The following CDH6 variants were observed in gnomAD, a reference collection of about 807,000 sequenced individuals.
CDH6 encodes cadherin-6.
A neutral mutation model predicts 78.0 loss-of-function variants in CDH6; 31 were observed. The ratio of observed to expected loss-of-function variants is 0.40; its 90% CI spans 0.30 to 0.54. The LOEUF is 0.54. Among genes scored for constraint, CDH6 ranks in the 20% least tolerant of loss-of-function variants. The probability of loss-of-function intolerance (pLI) is 0.56; values close to 1 mark genes in which losing one functional copy is unlikely to be tolerated. For synonymous variants in CDH6, 376 were observed against 368.8 expected, an observed-to-expected ratio of 1.02 and a Z score of -0.23; for missense variants, 724 against 975.9, an observed-to-expected ratio of 0.74 and a Z score of 3.44.
intron 2 of CDH6, among the ~76,000 whole-genome samples, chr5:31,274,066 T>A (rs1742615357): frequency 6.6e-6 from 1 of 152,260 alleles, no homozygotes; most frequent in East Asian, 1.9e-4. Context: ...GCCATTTAAC[T>A]AACATTTTTA....
At chr5:31,247,359 A>G (rs1397313487) in intron 1 of CDH6, among the ~76,000 whole-genome samples, 1 of 152,250 alleles carries the variant, frequency 6.6e-6, no homozygotes, top group Non-Finnish European at 1.5e-5. Flanking sequence ...TAACATGTCC[A>G]AAGACTCATA....
Position 31,316,315 on chromosome 5 carries a change from G to T in CDH6, c.1498G>T (p.Ala500Ser), listed in dbSNP as rs1738323141. 2.5e-6 allele frequency: 4 copies of T among 1,611,908 alleles called. No individual in the cohort carries two copies. The highest frequency in any genetic ancestry group is 3.4e-6 in the Non-Finnish European group (4 of 1,179,312). The part of the protein sequence containing the change: ...EFYETFVCEK[A>S]KADQLIQTLH... ...CTATGAAACTTTTGTCTGTGAAAAAGCAAAGGCAGATCAGGTGAGTTTCAT... is the reference window on the plus strand; with the variant it reads ...CTATGAAACTTTTGTCTGTGAAAAATCAAAGGCAGATCAGGTGAGTTTCAT... Residue 500 changes from alanine (A) to serine (S), a missense_variant, in exon 9 of 12, where the codon GCA becomes TCA. This residue lies in a region of CDH6 where 446 missense variants were observed against 684.5 expected (regional missense o/e 0.65). Coordinates refer to ENST00000265071, the MANE Select transcript of CDH6 (RefSeq NM_004932.4).
At chr5:31,297,501 A>C in intron 4 of CDH6, 93 bp downstream of exon 4, 1 of 953,574 alleles carries the variant, frequency 1.0e-6, no homozygotes, top group South Asian at 1.8e-5. Flanking sequence ...AATCAATGTG[A>C]TTGGATTTTC....
chr5:31,273,945 C>T lies in CDH6; in HGVS notation c.228+6244C>T, dbSNP rs568914138. The stretch of plus-strand genomic sequence containing the variant: ...GCGTCTTTTTCTTTCCCTTGATAAC[C>T]CTCTCTAAACTTCCGTTCTGGTTCA... On this transcript the variant is annotated intron_variant, in intron 2 of 11. Coordinates refer to ENST00000265071, the MANE Select transcript of CDH6 (RefSeq NM_004932.4). Among the ~76,000 whole-genome samples the T allele has an allele frequency of 5.9e-5, 9 of 152,060 alleles. No homozygotes were observed. In the South Asian group the frequency reaches 6.2e-4, roughly 11 times the overall value.
In CDH6 at chr5:31,328,963, A is replaced by G. The variant is rs1688476387; in HGVS notation, c.*5655A>G. ...GTGGCCGGGCCTTTTGTTGCAGTCA[A>G]ATGGCAAATACGCACTCCTTGAAAT... On this transcript the variant is annotated 3_prime_UTR_variant, in exon 12 of 12. Transcript: ENST00000265071. The G allele has an allele frequency of 4.5e-6, 1 of 221,420 alleles. No individual in the cohort carries two copies. The highest frequency in any genetic ancestry group is 2.2e-5 in the African/African-American group (1 of 44,766). 13.7% of individuals were successfully genotyped at this position (221,420 alleles called of 1,614,324 possible). A position where few individuals can be genotyped will look rare whatever the true frequency, so the allele number is the denominator to read the frequency against.
At chr5:31,319,624 T>C (rs1385664740) in intron 11 of CDH6, among the ~76,000 whole-genome samples, 1 of 152,176 alleles carries the variant, frequency 6.6e-6, no homozygotes, top group East Asian at 1.9e-4. Context: ...TCTACTTTCT[T>C]TTCAAACTTA....
chr5:31,196,321 T>C (rs948581763), intron 1 of CDH6, among the ~76,000 whole-genome samples: 2 of 151,806 alleles, frequency 1.3e-5, no homozygotes, highest in Non-Finnish European at 2.9e-5. Flanking sequence ...TGTATTATTA[T>C]AGCACCAAAT....
chr5:31,238,127 GC>G (rs1475937703), intron 1 of CDH6, among the ~76,000 whole-genome samples: 1 of 152,080 alleles, frequency 6.6e-6, no homozygotes, highest in Non-Finnish European at 1.5e-5. Context: ...TGCAATTTTT[GC>G]TTTTTACACA....
rs560000845 is a variant in CDH6 at position 31,289,514 on chromosome 5, A to G, written c.229-4448A>G. On this transcript the variant is annotated intron_variant, in intron 2 of 11. Coordinates refer to ENST00000265071, the MANE Select transcript of CDH6 (RefSeq NM_004932.4). Reference sequence around the variant, plus strand: ...ATGATCTACTGAATTGCTGGGTCAAATGGTAATTCTACTTTTAGTTCTCTG... The same window carrying G: ...ATGATCTACTGAATTGCTGGGTCAAGTGGTAATTCTACTTTTAGTTCTCTG... 1.1e-4 allele frequency among the ~76,000 whole-genome samples: 17 copies of G among 152,288 alleles called. No homozygotes were observed. In the South Asian group the frequency reaches 3.5e-3, roughly 32 times the overall value.
In CDH6 at chr5:31,326,257, CTGA is replaced by C. The variant is rs1738622972; in HGVS notation, c.*2954_*2956del. ...TTGTTTCAAGGACATTGAGAGCTTT[CTGA>C]TGATATGTTTTTGCCCTCTATTCAA... On this transcript the variant is annotated 3_prime_UTR_variant, in exon 12 of 12. Coordinates refer to ENST00000265071, the MANE Select transcript of CDH6 (RefSeq NM_004932.4). 9.0e-6 allele frequency: 2 copies of C among 221,030 alleles called. No individual in the cohort carries two copies. 13.7% of individuals were successfully genotyped at this position (221,030 alleles called of 1,614,324 possible).
At chr5:31,246,117 G>A (rs917692213) in intron 1 of CDH6, among the ~76,000 whole-genome samples, 1 of 151,382 alleles carries the variant, frequency 6.6e-6, no homozygotes, top group African/African-American at 2.4e-5. Flanking sequence ...TCACTATGTT[G>A]GCCAGGATTG....
At chr5:31,219,408 A>T (rs1201584471) in intron 1 of CDH6, among the ~76,000 whole-genome samples, 1 of 152,128 alleles carries the variant, frequency 6.6e-6, no homozygotes, top group Non-Finnish European at 1.5e-5. Flanking sequence ...CCCTGGCTAT[A>T]ATACATCAAA....
At position 31,323,413 on chromosome 5, in the gene CDH6, C is replaced by A; in HGVS notation, c.*105C>A. The A allele has an allele frequency of 7.5e-7, 1 of 1,327,670 alleles. No individual in the cohort carries two copies. Among genetic ancestry groups the A allele is most frequent in the South Asian group, 1.4e-5 (1 of 69,060 alleles). 82.2% of individuals were successfully genotyped at this position (1,327,670 alleles called of 1,614,324 possible). A position where few individuals can be genotyped will look rare whatever the true frequency, so the allele number is the denominator to read the frequency against. On this transcript the variant is annotated 3_prime_UTR_variant, in exon 12 of 12. Transcript: ENST00000265071. ...GAAGGCTTCTCTGTTCTACCCGTTC[C>A]AAAAGCCAATGGCTGCAGTCCGTGT...
Position 31,258,160 on chromosome 5 carries a change from T to C in CDH6, c.-128-9186T>C, listed in dbSNP as rs540448521. ...AGGTATATACCCAAATGATTATAAATTATTCTACTATAAAGACACATGCAC... is the reference window on the plus strand; with the variant it reads ...AGGTATATACCCAAATGATTATAAACTATTCTACTATAAAGACACATGCAC... On this transcript the variant is annotated intron_variant, in intron 1 of 11. Coordinates refer to ENST00000265071, the MANE Select transcript of CDH6 (RefSeq NM_004932.4). 2.0e-5 allele frequency among the ~76,000 whole-genome samples: 3 copies of C among 152,304 alleles called. 1 individual carries two copies. The South Asian group carries it at 6.2e-4, about 32-fold the overall frequency.
chr5:31,210,144 T>G (rs1217967663), intron 1 of CDH6, among the ~76,000 whole-genome samples: 4 of 151,144 alleles, frequency 2.6e-5, no homozygotes, highest in Admixed American at 6.6e-5. Context: ...AAACTGAGAT[T>G]CTGTTTGGAA....
At chr5:31,242,868 A>AG (rs1741644980) in intron 1 of CDH6, among the ~76,000 whole-genome samples, 1 of 151,994 alleles carries the variant, frequency 6.6e-6, no homozygotes. Context: ...CTAAAAAAAA[A>AG]AAAAAGGTAA....
intron 1 of CDH6, among the ~76,000 whole-genome samples, chr5:31,206,044 G>A (rs1184410899): frequency 3.9e-5 from 6 of 152,212 alleles, no homozygotes; most frequent in Admixed American, 3.9e-4. Flanking sequence ...TTCAATCGTG[G>A]CACCCTTGAG....
Position 31,327,918 on chromosome 5 carries a change from G to A in CDH6, c.*4610G>A, listed in dbSNP as rs1055841196. The A allele has an allele frequency of 8.4e-5, 18 of 215,332 alleles. No individual in the cohort carries two copies. The highest frequency in any genetic ancestry group is 1.6e-4 in the Non-Finnish European group (17 of 106,784). 13.3% of individuals were successfully genotyped at this position (215,332 alleles called of 1,614,324 possible). The stretch of plus-strand genomic sequence containing the variant: ...GCCGGAAGTTTATGGTCTCTGCATC[G>A]TCAATTTAATTTAAGCATTGCTGAG... On this transcript the variant is annotated 3_prime_UTR_variant, in exon 12 of 12. Coordinates refer to ENST00000265071, the MANE Select transcript of CDH6 (RefSeq NM_004932.4).
Position 31,224,045 on chromosome 5 carries a change from C to T in CDH6, c.-129+30159C>T, listed in dbSNP as rs549354675. On this transcript the variant is annotated intron_variant, in intron 1 of 11. Coordinates refer to ENST00000265071, the MANE Select transcript of CDH6 (RefSeq NM_004932.4). The stretch of plus-strand genomic sequence containing the variant: ...TCATTTAATCCTCATGGTAACCCTG[C>T]GTACTAGTCTGTCTTCAGACTGCTA... 5.9e-5 allele frequency among the ~76,000 whole-genome samples: 9 copies of T among 152,208 alleles called. No homozygotes were observed. The South Asian group carries it at 1.9e-3, about 32-fold the overall frequency.
Sources: gnomAD v4.1 joint callset for allele counts (sites outside exome capture counted in the v4.1 genomes callset) on GRCh38, gnomAD v4.1.1 for gene constraint, gnomAD v4.1.1 regional missense constraint, MANE v1.5 for transcripts, NCBI Gene and HGNC (gene_info 2026-07-23, HGNC 2026-07-21) for gene names.